SDK2: variants seen among roughly 807,000 people sequenced by gnomAD.
The protein encoded by SDK2 is protein sidekick-2.
SDK2 carries 105 observed loss-of-function variants against 253.9 expected under a neutral mutation model. The observed-to-expected ratio is 0.41, with a 90% CI of 0.35 to 0.49. The LOEUF (loss-of-function observed/expected upper bound fraction) is 0.49, where lower values mean the gene tolerates loss of function less well. Ranked by LOEUF, SDK2 falls within the 20% of genes least tolerant of loss-of-function variation. The pLI is 0.06. For missense variants in SDK2, 2,608 were observed against 3,003.0 expected, an observed-to-expected ratio of 0.87 and a Z score of 3.07; for synonymous variants, 1,249 against 1,234.9, an observed-to-expected ratio of 1.01 and a Z score of -0.24.
intron 1 of SDK2, among the ~76,000 whole-genome samples, chr17:73,529,137 A>G (rs1050594619): frequency 2.6e-5 from 4 of 152,186 alleles, no homozygotes; most frequent in Non-Finnish European, 5.9e-5. Flanking sequence ...TTCCTTGTCC[A>G]GAAGAAAGAT....
At chr17:73,399,528 A>G (rs2063004616) in intron 21 of SDK2, among the ~76,000 whole-genome samples, 2 of 152,190 alleles carry the variant, frequency 1.3e-5, no homozygotes, top group Non-Finnish European at 2.9e-5. Context: ...TAGGGCTGAG[A>G]GGAGGCTCTC....
At chr17:73,475,492 A>C (rs1312220666) in intron 2 of SDK2, among the ~76,000 whole-genome samples, 1 of 152,236 alleles carries the variant, frequency 6.6e-6, no homozygotes, top group African/African-American at 2.4e-5. Flanking sequence ...GTGACAAAAA[A>C]ATATGTGCAA....
chr17:73,594,595 A>AC (rs2045727437), intron 1 of SDK2, among the ~76,000 whole-genome samples: 1 of 151,372 alleles, frequency 6.6e-6, no homozygotes, highest in Non-Finnish European at 1.5e-5. Flanking sequence ...TGGGACAATG[A>AC]ACACACACAC....
intron 6 of SDK2, among the ~76,000 whole-genome samples, chr17:73,438,599 C>T (rs967918724): frequency 5.9e-5 from 9 of 151,766 alleles, no homozygotes; most frequent in African/African-American, 2.2e-4. Context: ...CATGAAACAC[C>T]CAGAGTTTGA....
chr17:73,384,988 C>A (rs78347173), intron 32 of SDK2, among the ~76,000 whole-genome samples: 1 of 152,150 alleles, frequency 6.6e-6, no homozygotes, highest in Non-Finnish European at 1.5e-5. Flanking sequence ...TGTTTATCTA[C>A]GGGAGCGTCC....
chr17:73,497,551 C>G (rs2063852451), intron 2 of SDK2, among the ~76,000 whole-genome samples: 1 of 152,060 alleles, frequency 6.6e-6, no homozygotes, highest in South Asian at 2.1e-4. Flanking sequence ...GCCTGGGATT[C>G]CTTCCTCAAC....
chr17:73,470,328 C>T (rs948587290), intron 3 of SDK2, among the ~76,000 whole-genome samples: 7 of 152,144 alleles, frequency 4.6e-5, no homozygotes, highest in African/African-American at 7.2e-5. Context: ...TGCACACACC[C>T]GCACATATAC....
At chr17:73,558,029 T>C (rs2045171237) in intron 1 of SDK2, among the ~76,000 whole-genome samples, 1 of 152,224 alleles carries the variant, frequency 6.6e-6, no homozygotes, top group African/African-American at 2.4e-5. Flanking sequence ...CCTCACCCTG[T>C]TGCTCTATCC....
At chr17:73,413,303 C>A (rs2063154788) in intron 18 of SDK2, among the ~76,000 whole-genome samples, 1 of 151,906 alleles carries the variant, frequency 6.6e-6, no homozygotes, top group Non-Finnish European at 1.5e-5. Context: ...CCATCACCCC[C>A]AGATCGGACC....
In SDK2 at chr17:73,336,199, A is replaced by G. The variant is rs2062376505; in HGVS notation, c.*2388T>C. The G allele has an allele frequency of 1.4e-5, 2 of 145,938 alleles. No homozygotes were observed. The highest frequency in any genetic ancestry group is 1.5e-5 in the Non-Finnish European group (1 of 66,300). The allele number at this position is 145,938 out of a possible 1,614,324, so 9.0% of individuals were successfully genotyped here. On this transcript the variant is annotated 3_prime_UTR_variant, in exon 45 of 45. Coordinates refer to ENST00000392650, the MANE Select transcript of SDK2 (RefSeq NM_001144952.2). The stretch of plus-strand genomic sequence containing the variant: ...ATTTAAAAAAAAAAAAAAAAAAAAG[A>G]TGAGAGGAAAGAAAAGAAAGCTGTG...
In SDK2 at chr17:73,353,635, G is replaced by A. The variant is rs142070632; in HGVS notation, c.5594-998C>T. On this transcript the variant is annotated intron_variant, in intron 40 of 44. Transcript: ENST00000392650. The stretch of plus-strand genomic sequence containing the variant: ...GCTGGTCTCGAACTCTCGACCTCAG[G>A]TGATCTGCCTACCTCAGCCTCCCAA... Among the ~76,000 whole-genome samples the A allele has an allele frequency of 4.9e-3, 747 of 151,616 alleles. 6 individuals are homozygous for A. The highest frequency in any genetic ancestry group is 0.017 in the African/African-American group (697 of 41,302).
chr17:73,562,332 A>T (rs1021625715), intron 1 of SDK2, among the ~76,000 whole-genome samples: 4 of 152,214 alleles, frequency 2.6e-5, no homozygotes, highest in Non-Finnish European at 5.9e-5. Context: ...TTTGCATTTT[A>T]AAAATATTAC....
intron 1 of SDK2, chr17:73,516,838 C>G (rs1015558692): frequency 6.6e-6 from 1 of 152,218 alleles, no homozygotes; most frequent in Admixed American, 6.5e-5. Flanking sequence ...TCTAATGGAA[C>G]GGATCATCAA....
chr17:73,371,212 A>G (rs1450088225), intron 36 of SDK2, among the ~76,000 whole-genome samples: 1 of 152,188 alleles, frequency 6.6e-6, no homozygotes, highest in Non-Finnish European at 1.5e-5. Flanking sequence ...TTGGATTTGG[A>G]AAGGTCATGG....
intron 18 of SDK2, among the ~76,000 whole-genome samples, chr17:73,412,157 T>C (rs2063143520): frequency 1.1e-5 from 1 of 92,720 alleles, no homozygotes; most frequent in African/African-American, 5.4e-5. Flanking sequence ...TATATACGTA[T>C]ATATGTATAT....
rs963936202 is a variant in SDK2 at position 73,613,205 on chromosome 17, G to C, written c.64+30820C>G. Among the ~76,000 whole-genome samples, 7 of 152,026 alleles carry C rather than the reference G, an allele frequency of 4.6e-5. No homozygotes were observed. The East Asian group carries it at 1.2e-3, about 25-fold the overall frequency. On this transcript the variant is annotated intron_variant, in intron 1 of 44. Transcript: ENST00000392650. ...AGCAAGACTAGTTTTCCCTGAAAAA[G>C]ATCTCCATAATCCTGTGGCTGGGCA...
Position 73,383,254 on chromosome 17 carries a change from A to T in SDK2, c.4705+622T>A, listed in dbSNP as rs1599505806. ...TCATGCCACCAAAGTGGCTCCTAACACAAAAGTCCAAACACGTCTTTCCCT... is the reference window on the plus strand; with the variant it reads ...TCATGCCACCAAAGTGGCTCCTAACTCAAAAGTCCAAACACGTCTTTCCCT... On this transcript the variant is annotated intron_variant, in intron 33 of 44. Coordinates refer to ENST00000392650, the MANE Select transcript of SDK2 (RefSeq NM_001144952.2). This position sits in a 1 kb window ranked among gnomAD's most constrained non-coding sequence, Gnocchi z 4.3. 6.6e-6 allele frequency among the ~76,000 whole-genome samples: 1 copy of T among 152,160 alleles called. No individual in the cohort carries two copies.
chr17:73,361,617 G>C lies in SDK2; in HGVS notation c.5467+67C>G. On this transcript the variant is annotated intron_variant, in intron 39 of 44. Coordinates refer to ENST00000392650, the MANE Select transcript of SDK2 (RefSeq NM_001144952.2). The surrounding 1 kb of genome is among the most constrained non-coding windows in gnomAD (Gnocchi z 4.1). ...GGTCCAGCACAGCTCTTGACACCGG[G>C]GGCCCCTTCTGACTGGGGACGCTGA... The C allele has an allele frequency of 6.5e-7, 1 of 1,534,572 alleles. No homozygotes were observed. Among genetic ancestry groups the C allele is most frequent in the Non-Finnish European group, 8.9e-7 (1 of 1,119,766 alleles).
chr17:73,522,448 C>T (rs1391478427), intron 1 of SDK2, among the ~76,000 whole-genome samples: 1 of 152,206 alleles, frequency 6.6e-6, no homozygotes, highest in Non-Finnish European at 1.5e-5. Context: ...GGCGGCAGGC[C>T]CCCACATTCC....
Sources: gnomAD v4.1 joint callset for allele counts (sites outside exome capture counted in the v4.1 genomes callset) on GRCh38, gnomAD v4.1.1 for gene constraint, Gnocchi (gnomAD v3.1) non-coding constraint, MANE v1.5 for transcripts, NCBI Gene and HGNC (gene_info 2026-07-23, HGNC 2026-07-21) for gene names.